Variants in SPSB1 observed in about 807,000 individuals in gnomAD.
The protein encoded by SPSB1 is SPRY domain-containing SOCS box protein 1.
Under a neutral mutation model 21.2 loss-of-function variants are expected in SPSB1, and 8 were observed. That is an observed-to-expected ratio of 0.38 (90% CI 0.22 to 0.68). The LOEUF is 0.68. SPSB1 is among the 30% of genes least tolerant of loss of function. SPSB1 has a pLI of 0.53. For synonymous variants in SPSB1, 169 were observed against 161.7 expected (o/e 1.05, Z -0.34); for missense variants, 242 against 377.8 (o/e 0.64, Z 2.98).
intron 1 of SPSB1, among the ~76,000 whole-genome samples, chr1:9,320,498 T>C (rs971847009): frequency 6.6e-6 from 1 of 152,200 alleles, no homozygotes; most frequent in Non-Finnish European, 1.5e-5. Context: ...CCCTTGGCGT[T>C]CCATAGCACG....
At chr1:9,296,071 A>G (rs954055215) in intron 1 of SPSB1, among the ~76,000 whole-genome samples, 1 of 151,964 alleles carries the variant, frequency 6.6e-6, no homozygotes, top group Non-Finnish European at 1.5e-5. Context: ...CCCCCAGTCT[A>G]AAGTTCCACT....
At chr1:9,315,764 G>T (rs1014560972) in intron 1 of SPSB1, among the ~76,000 whole-genome samples, 1 of 152,202 alleles carries the variant, frequency 6.6e-6, no homozygotes, top group African/African-American at 2.4e-5. Context: ...CGGAGGGACC[G>T]CACTGCTCAC....
chr1:9,354,278 C>A (rs1640324633), intron 1 of SPSB1, among the ~76,000 whole-genome samples: 1 of 152,168 alleles, frequency 6.6e-6, no homozygotes, highest in African/African-American at 2.4e-5. Context: ...ACCCTAGTAA[C>A]AAGCGACCCA....
At chr1:9,334,665 A>AT (rs1235030422) in intron 1 of SPSB1, among the ~76,000 whole-genome samples, 1 of 151,918 alleles carries the variant, frequency 6.6e-6, no homozygotes, top group Non-Finnish European at 1.5e-5. Context: ...CTGACCCCCC[A>AT]TTCCTGCTCC....
rs1639961441 is a variant in SPSB1, at chr1:9,333,746, GGAAAGGAAACGA to G, written c.-149-21995_-149-21984del. Among the ~76,000 whole-genome samples the G allele has an allele frequency of 3.9e-4, 59 of 152,184 alleles. 1 individual carries two copies. In the South Asian group the frequency reaches 0.012, roughly 32 times the overall value. On this transcript the variant is annotated intron_variant, in intron 1 of 2. Coordinates refer to ENST00000328089, the MANE Select transcript of SPSB1 (RefSeq NM_025106.4). ...AGCACAGTCATTTTTTTATTCCAACGGAAAGGAAACGAGGTTGCCAAAGAGACCCAAGGAGCC... is the reference window on the plus strand; with the variant it reads ...AGCACAGTCATTTTTTTATTCCAACGGGTTGCCAAAGAGACCCAAGGAGCC...
chr1:9,347,195 A>T (rs12045744), intron 1 of SPSB1, among the ~76,000 whole-genome samples: 32,666 of 152,164 alleles, frequency 0.21, 4,422 homozygotes, highest in Non-Finnish European at 0.3. Context: ...TCTACCAGTT[A>T]TGGATCCTTA....
rs907430891 is a variant in SPSB1 at position 9,346,072 on chromosome 1, C to T, written c.-149-9671C>T. Among the ~76,000 whole-genome samples, 8 of 152,212 alleles carry T rather than the reference C, an allele frequency of 5.3e-5. No individual in the cohort carries two copies. The highest frequency in any genetic ancestry group is 4.8e-5 in the African/African-American group (2 of 41,452). On this transcript the variant is annotated intron_variant, in intron 1 of 2. Transcript: ENST00000328089. The surrounding 1 kb of genome is among the most constrained non-coding windows in gnomAD (Gnocchi z 4.4). ...GGAGGGAGCACAGAACCCCAGTGAG[C>T]GGGCAGAGCCCAGGCAGCGGCTGAG...
chr1:9,357,061 A>T (rs1206830042), intron 2 of SPSB1, among the ~76,000 whole-genome samples: 1 of 151,766 alleles, frequency 6.6e-6, no homozygotes, highest in Non-Finnish European at 1.5e-5. Context: ...GAATGAGTGG[A>T]TGGATAAATG....
intron 2 of SPSB1, among the ~76,000 whole-genome samples, chr1:9,361,551 C>T (rs986541998): frequency 3.3e-5 from 5 of 152,330 alleles, no homozygotes; most frequent in Admixed American, 6.5e-5. Context: ...AGAACCCCCC[C>T]GCAGCAGAGT....
intron 1 of SPSB1, among the ~76,000 whole-genome samples, chr1:9,301,889 C>T (rs1338380894): frequency 6.6e-6 from 1 of 152,232 alleles, no homozygotes; most frequent in South Asian, 2.1e-4. Flanking sequence ...GAAGGGGCAG[C>T]GTTTTGTCCT....
In SPSB1 at chr1:9,355,723, T is replaced by G; in HGVS notation, c.-149-20T>G. On this transcript the variant is annotated intron_variant, in intron 1 of 2. Coordinates refer to ENST00000328089, the MANE Select transcript of SPSB1 (RefSeq NM_025106.4). ...ATCCCACAGTCCTGCTCACCGGTTG[T>G]TTGTCTTTCCGTCCATTAGGCAATA... is the stretch of plus-strand genomic sequence containing the variant. 7.4e-7 allele frequency: 1 copy of G among 1,353,752 alleles called. No individual in the cohort carries two copies. Among genetic ancestry groups the G allele is most frequent in the African/African-American group, 1.5e-5 (1 of 68,400 alleles). The allele number at this position is 1,353,752 out of a possible 1,614,324, so 83.9% of individuals were successfully genotyped here.
chr1:9,309,395 G>A (rs1245639025), intron 1 of SPSB1, among the ~76,000 whole-genome samples: 1 of 151,734 alleles, frequency 6.6e-6, no homozygotes, highest in Non-Finnish European at 1.5e-5. Context: ...ACAGCTCACT[G>A]CAGCCTCGAA....
At chr1:9,358,326 G>T (rs1028572388) in intron 2 of SPSB1, among the ~76,000 whole-genome samples, 2 of 152,190 alleles carry the variant, frequency 1.3e-5, no homozygotes, top group Non-Finnish European at 2.9e-5. Context: ...GGGCTGCTTG[G>T]TCCTCGTCTG....
At position 9,369,200 on chromosome 1, in the gene SPSB1, T is replaced by C. The variant is rs558245844; in HGVS notation, c.*1625T>C. ...AATGTACATTACCCCCTTATTATTT[T>C]GACGGTTTTTTTTTTCGGGGCAGGG... On this transcript the variant is annotated 3_prime_UTR_variant, in exon 3 of 3. Coordinates refer to ENST00000328089, the MANE Select transcript of SPSB1 (RefSeq NM_025106.4). The C allele has an allele frequency of 7.4e-6, 1 of 134,634 alleles. No individual in the cohort carries two copies. Among genetic ancestry groups the C allele is most frequent in the South Asian group, 2.3e-4 (1 of 4,412 alleles). The allele number at this position is 134,634 out of a possible 1,614,324, so 8.3% of individuals were successfully genotyped here.
intron 1 of SPSB1, among the ~76,000 whole-genome samples, chr1:9,339,071 C>T (rs1307869302): frequency 2.6e-5 from 4 of 152,142 alleles, no homozygotes; most frequent in East Asian, 3.9e-4. Flanking sequence ...CCCTTGGAGA[C>T]GGTGGAGCTT....
At chr1:9,313,592 G>A (rs1294051) in intron 1 of SPSB1, among the ~76,000 whole-genome samples, 5 of 152,108 alleles carry the variant, frequency 3.3e-5, no homozygotes, top group African/African-American at 1.2e-4. Flanking sequence ...GGGTGGGCCC[G>A]GGCTGCTGGG....
intron 1 of SPSB1, among the ~76,000 whole-genome samples, chr1:9,343,715 T>A (rs1353902011): frequency 6.6e-6 from 1 of 152,204 alleles, no homozygotes; most frequent in Non-Finnish European, 1.5e-5. Flanking sequence ...AGTTGTGACC[T>A]TTTTTTCACT....
chr1:9,304,432 G>A (rs1639380786), intron 1 of SPSB1, among the ~76,000 whole-genome samples: 1 of 152,206 alleles, frequency 6.6e-6, no homozygotes, highest in Non-Finnish European at 1.5e-5. Context: ...CATCTCTGGA[G>A]AATCCTGGCT....
At position 9,305,803 on chromosome 1, in the gene SPSB1, A is replaced by T. The variant is rs1639400949; in HGVS notation, c.-150+12732A>T. On this transcript the variant is annotated intron_variant, in intron 1 of 2. Coordinates refer to ENST00000328089, the MANE Select transcript of SPSB1 (RefSeq NM_025106.4). The surrounding 1 kb of genome is among the most constrained non-coding windows in gnomAD (Gnocchi z 4.8). ...TCTGCTGGGGCCGAGGATACAAAGA[A>T]TGAGGAAGCTTTCTCTGTCTAGTGG... Among the ~76,000 whole-genome samples, 1 of 152,162 alleles carries T rather than the reference A, an allele frequency of 6.6e-6. No homozygotes were observed. Among genetic ancestry groups the T allele is most frequent in the East Asian group, 1.9e-4 (1 of 5,190 alleles).
Sources: allele counts gnomAD v4.1 joint callset (sites outside exome capture counted in the v4.1 genomes callset), GRCh38; gene constraint gnomAD v4.1.1; non-coding constraint Gnocchi (gnomAD v3.1); transcripts MANE v1.5; gene names NCBI Gene and HGNC (gene_info 2026-07-23, HGNC 2026-07-21).